WDR25: variants seen among roughly 807,000 people sequenced by gnomAD.
WDR25 encodes WD repeat-containing protein 25.
WDR25 carries 35 observed loss-of-function variants against 47.7 expected under a neutral mutation model. The observed-to-expected ratio is 0.73, with a 90% CI of 0.56 to 0.97. WDR25 has a LOEUF of 0.97. Ranked by LOEUF, WDR25 falls within the 50% of genes least tolerant of loss-of-function variation. The pLI is 0.00. For missense variants in WDR25, 634 were observed against 704.7 expected (o/e 0.90, Z 1.14); for synonymous variants, 248 against 278.9 (o/e 0.89, Z 1.10).
chr14:100,461,637 T>C (rs1170467616), intron 2 of WDR25, among the ~76,000 whole-genome samples: 2 of 152,236 alleles, frequency 1.3e-5, no homozygotes, highest in Non-Finnish European at 2.9e-5. Context: ...GCAAATGGGC[T>C]GATCCCATCC....
intron 1 of WDR25, among the ~76,000 whole-genome samples, chr14:100,379,062 G>A (rs1398343187): frequency 6.6e-6 from 1 of 151,868 alleles, no homozygotes; most frequent in Non-Finnish European, 1.5e-5. Flanking sequence ...GGGGAAAGTG[G>A]CAGGCCTTTC....
chr14:100,478,999 C>T (rs951477407), intron 3 of WDR25, among the ~76,000 whole-genome samples: 6 of 151,980 alleles, frequency 3.9e-5, no homozygotes, highest in Non-Finnish European at 7.4e-5. Flanking sequence ...AGCAAGAAGC[C>T]GGCCACTGAA....
intron 4 of WDR25, among the ~76,000 whole-genome samples, chr14:100,519,843 C>G (rs935583359): frequency 7.9e-6 from 1 of 126,640 alleles, no homozygotes; most frequent in African/African-American, 3.4e-5. Flanking sequence ...AGTATATATA[C>G]TATATATGCT....
At chr14:100,450,684 G>A (rs1899000101) in intron 2 of WDR25, among the ~76,000 whole-genome samples, 1 of 152,178 alleles carries the variant, frequency 6.6e-6, no homozygotes, top group African/African-American at 2.4e-5. Flanking sequence ...GGAAAGTGAT[G>A]CACAAAAATA....
chr14:100,434,155 G>T (rs925453692), intron 2 of WDR25, among the ~76,000 whole-genome samples: 3 of 152,196 alleles, frequency 2.0e-5, no homozygotes, highest in Non-Finnish European at 4.4e-5. Flanking sequence ...GCTACTGGGG[G>T]TCACTGCTTC....
rs1011728439 is a variant in WDR25 at position 100,449,302 on chromosome 14, C to T, written c.823-18719C>T. Among the ~76,000 whole-genome samples, 4 of 152,242 alleles carry T rather than the reference C, an allele frequency of 2.6e-5. No homozygotes were observed. The highest frequency in any genetic ancestry group is 1.9e-4 in the East Asian group (1 of 5,198). ...GGAGGGCCAGGGAGAACCGTGGCTT[C>T]GATAATGGTATGGGCCTGTTGGAGC... On this transcript the variant is annotated intron_variant, in intron 2 of 6. Coordinates refer to ENST00000402312, the MANE Select transcript of WDR25 (RefSeq NM_001161476.3). The surrounding 1 kb of genome is among the most constrained non-coding windows in gnomAD (Gnocchi z 4.2).
chr14:100,511,562 C>T (rs1474284958), intron 4 of WDR25, among the ~76,000 whole-genome samples: 1 of 152,044 alleles, frequency 6.6e-6, no homozygotes, highest in African/African-American at 2.4e-5. Context: ...CTTCCTCCCT[C>T]CCTCCCTTCC....
Position 100,381,321 on chromosome 14 carries a change from C to T in WDR25, c.397C>T (p.Arg133Cys), listed in dbSNP as rs150193500. ...CAGCCACATGCCCCTGGCAGCTGCCCGCTTTAAGCAAGTAAAACTCTCCAG... is the reference window on the plus strand; with the variant it reads ...CAGCCACATGCCCCTGGCAGCTGCCTGCTTTAAGCAAGTAAAACTCTCCAG... Reference protein sequence around the residue: ...PASHMPLAAARFKQVKLSRNF... With the variant: ...PASHMPLAAACFKQVKLSRNF... The change falls in exon 2 of 7, where the codon CGC (arginine) becomes TGC (cysteine). Residue 133 changes from arginine to cysteine, a missense_variant. Arg to Cys is a radical substitution (Grantham distance 180). Coordinates refer to ENST00000402312, the MANE Select transcript of WDR25 (RefSeq NM_001161476.3). The T allele has an allele frequency of 6.8e-3, 11,000 of 1,614,206 alleles. 56 individuals carry two copies. Among genetic ancestry groups the T allele is most frequent in the Non-Finnish European group, 8.4e-3 (9,855 of 1,180,036 alleles).
chr14:100,523,286 G>C lies in WDR25; in HGVS notation c.1102-2584G>C, dbSNP rs1470403454. Among the ~76,000 whole-genome samples the C allele has an allele frequency of 6.6e-6, 1 of 152,220 alleles. No individual in the cohort carries two copies. The highest frequency in any genetic ancestry group is 1.5e-5 in the Non-Finnish European group (1 of 68,040). Reference sequence around the variant, plus strand: ...GGGCAGCAGGGCGTCTGTGCCAGGAGCTCACAGTCCTGTGGCGTAGGCAGG... The same window carrying C: ...GGGCAGCAGGGCGTCTGTGCCAGGACCTCACAGTCCTGTGGCGTAGGCAGG... On this transcript the variant is annotated intron_variant, in intron 4 of 6. Coordinates refer to ENST00000402312, the MANE Select transcript of WDR25 (RefSeq NM_001161476.3). The surrounding 1 kb of genome is among the most constrained non-coding windows in gnomAD (Gnocchi z 4.7).
At chr14:100,519,432 A>C (rs2140378655) in intron 4 of WDR25, among the ~76,000 whole-genome samples, 1 of 151,982 alleles carries the variant, frequency 6.6e-6, no homozygotes, top group Non-Finnish European at 1.5e-5. Context: ...GCAGTGTCTC[A>C]TCTGCTGTTA....
chr14:100,379,273 T>C (rs1896810497), intron 1 of WDR25, among the ~76,000 whole-genome samples: 1 of 152,184 alleles, frequency 6.6e-6, no homozygotes, highest in Non-Finnish European at 1.5e-5. Context: ...GTTGCTGGGG[T>C]GAAAATGATG....
chr14:100,388,411 G>GTT (rs1897064666), intron 2 of WDR25, among the ~76,000 whole-genome samples: 1 of 152,246 alleles, frequency 6.6e-6, no homozygotes, highest in African/African-American at 2.4e-5. Context: ...CACAATAGGT[G>GTT]TTTGGATGCT....
Position 100,464,261 on chromosome 14 carries a change from C to G in WDR25, c.823-3760C>G, listed in dbSNP as rs150696921. Among the ~76,000 whole-genome samples, 519 of 152,324 alleles carry G rather than the reference C, an allele frequency of 3.4e-3. 6 individuals are homozygous for G. Among genetic ancestry groups the G allele is most frequent in the African/African-American group, 0.012 (499 of 41,578 alleles). ...ATTTCTACATAGCTGGCTTTCTCAC[C>G]CCTTCAGGACTTCCTCCAAAGTCAC... On this transcript the variant is annotated intron_variant, in intron 2 of 6. Coordinates refer to ENST00000402312, the MANE Select transcript of WDR25 (RefSeq NM_001161476.3).
chr14:100,395,131 T>C (rs1897229562), intron 2 of WDR25, among the ~76,000 whole-genome samples: 1 of 152,210 alleles, frequency 6.6e-6, no homozygotes, highest in East Asian at 1.9e-4. Context: ...CAAGGCCAGA[T>C]GGCGCTTCCT....
intron 2 of WDR25, among the ~76,000 whole-genome samples, chr14:100,464,839 A>G: frequency 7.9e-6 from 1 of 126,008 alleles, no homozygotes; most frequent in African/African-American, 3.1e-5. Context: ...TATGCCATCT[A>G]CTCTTTCCTA....
intron 2 of WDR25, among the ~76,000 whole-genome samples, chr14:100,402,211 A>G (rs568623869): frequency 9.9e-5 from 15 of 152,268 alleles, no homozygotes; most frequent in African/African-American, 3.6e-4. Flanking sequence ...TCCTCTGTCA[A>G]AAGGTAGTGA....
rs149501446 is a variant in WDR25, at chr14:100,514,473, G to A, written c.1102-11397G>A. Among the ~76,000 whole-genome samples, 1,468 of 151,236 alleles carry A rather than the reference G, an allele frequency of 9.7e-3. 19 individuals carry two copies. The highest frequency in any genetic ancestry group is 0.033 in the African/African-American group (1,378 of 41,232). ...CTCCCCCATCCATTTTTTTCACTTG[G>A]ATTAATTTAGTATTTTTATGATTTC... On this transcript the variant is annotated intron_variant, in intron 4 of 6. Transcript: ENST00000402312.
At chr14:100,518,060 C>T (rs922646088) in intron 4 of WDR25, among the ~76,000 whole-genome samples, 4 of 152,090 alleles carry the variant, frequency 2.6e-5, no homozygotes, top group Middle Eastern at 3.4e-3. Flanking sequence ...AATCATTTAC[C>T]GTTTTTTGCT....
intron 4 of WDR25, among the ~76,000 whole-genome samples, chr14:100,494,718 T>C (rs1900676204): frequency 6.6e-6 from 1 of 152,208 alleles, no homozygotes; most frequent in South Asian, 2.1e-4. Flanking sequence ...TTCCTCCACA[T>C]AGAAGGCTAG....
Sources: allele counts gnomAD v4.1 joint callset (sites outside exome capture counted in the v4.1 genomes callset), GRCh38; gene constraint gnomAD v4.1.1; non-coding constraint Gnocchi (gnomAD v3.1); transcripts MANE v1.5; gene names NCBI Gene and HGNC (gene_info 2026-07-23, HGNC 2026-07-21).